The following NLGN1 variants were observed in gnomAD, a reference collection of about 807,000 sequenced individuals.
The protein encoded by NLGN1 is neuroligin 1, also known as neuroligin-1.
Under a neutral mutation model 65.5 loss-of-function variants are expected in NLGN1, and 12 were observed. That is an observed-to-expected ratio of 0.18 (90% CI 0.12 to 0.30). The LOEUF (loss-of-function observed/expected upper bound fraction) is 0.30, where lower values mean the gene tolerates loss of function less well. Ranked by LOEUF, NLGN1 falls within the 10% of genes least tolerant of loss-of-function variation. The pLI is 1.00. For missense variants in NLGN1, 750 were observed against 1,007.1 expected, an observed-to-expected ratio of 0.74 and a Z score of 3.46; for synonymous variants, 350 against 359.5, an observed-to-expected ratio of 0.97 and a Z score of 0.30.
intron 3 of NLGN1, among the ~76,000 whole-genome samples, chr3:173,784,017 G>A (rs1186025145): frequency 6.6e-6 from 1 of 152,124 alleles, no homozygotes; most frequent in African/African-American, 2.4e-5. Flanking sequence ...TTTCCCTAGA[G>A]GAATTTAACT....
intron 3 of NLGN1, among the ~76,000 whole-genome samples, chr3:173,796,783 T>A (rs1714175040): frequency 1.3e-5 from 2 of 152,154 alleles, no homozygotes; most frequent in South Asian, 4.1e-4. Context: ...AAGCATAAGC[T>A]GTGGTTAGAA....
chr3:173,702,253 A>G (rs898649328), intron 3 of NLGN1, among the ~76,000 whole-genome samples: 2 of 151,882 alleles, frequency 1.3e-5, no homozygotes, highest in Admixed American at 6.6e-5. Context: ...AAAAAAAAAA[A>G]AAGAAGAGTT....
chr3:173,483,063 G>A (rs1203105602), intron 2 of NLGN1, among the ~76,000 whole-genome samples: 1 of 151,936 alleles, frequency 6.6e-6, no homozygotes, highest in African/African-American at 2.4e-5. Flanking sequence ...CCAACCTCCA[G>A]TAGTTGATTC....
intron 2 of NLGN1, among the ~76,000 whole-genome samples, chr3:173,568,562 C>G (rs999407566): frequency 6.6e-6 from 1 of 152,142 alleles, no homozygotes. Flanking sequence ...CTTATTCCTC[C>G]TAATTGAAAT....
intron 4 of NLGN1, among the ~76,000 whole-genome samples, chr3:173,853,061 C>T (rs879319288): frequency 6.6e-6 from 1 of 152,132 alleles, no homozygotes; most frequent in Non-Finnish European, 1.5e-5. Context: ...CATTTATACC[C>T]GTCTCCTTCA....
chr3:174,135,873 A>C (rs190925209), intron 4 of NLGN1, among the ~76,000 whole-genome samples: 1 of 152,296 alleles, frequency 6.6e-6, no homozygotes, highest in Admixed American at 6.5e-5. Context: ...CCCAGATCAA[A>C]TCTGGTGAAA....
chr3:173,486,561 A>G (rs927393561), intron 2 of NLGN1, among the ~76,000 whole-genome samples: 12 of 152,192 alleles, frequency 7.9e-5, no homozygotes, highest in African/African-American at 2.9e-4. Flanking sequence ...TCCACAAAGC[A>G]TAGGGCTTTG....
chr3:173,952,244 G>A (rs896182788), intron 4 of NLGN1, among the ~76,000 whole-genome samples: 16 of 152,074 alleles, frequency 1.1e-4, no homozygotes, highest in African/African-American at 3.9e-4. Flanking sequence ...CATATTTCCC[G>A]ATAAGAGCCA....
At chr3:174,130,131 T>C (rs1250197770) in intron 4 of NLGN1, among the ~76,000 whole-genome samples, 3 of 152,076 alleles carry the variant, frequency 2.0e-5, no homozygotes, top group African/African-American at 7.2e-5. Flanking sequence ...TCCCAGCCCT[T>C]TGGGAGGCCA....
At chr3:173,418,929 T>A (rs1475037214) in intron 1 of NLGN1, among the ~76,000 whole-genome samples, 1 of 151,214 alleles carries the variant, frequency 6.6e-6, no homozygotes, top group Non-Finnish European at 1.5e-5. Flanking sequence ...TGGCTTTGAA[T>A]GTGGCCCATC....
At chr3:173,875,152 C>T (rs561307871) in intron 4 of NLGN1, among the ~76,000 whole-genome samples, 1 of 152,278 alleles carries the variant, frequency 6.6e-6, no homozygotes, top group South Asian at 2.1e-4. Context: ...TCATGACATA[C>T]CATGGATAGG....
At chr3:173,797,196 T>TGA (rs1202684276) in intron 3 of NLGN1, among the ~76,000 whole-genome samples, 15 of 152,268 alleles carry the variant, frequency 9.9e-5, no homozygotes, top group African/African-American at 3.1e-4. Context: ...TTTGCAGCCC[T>TGA]GAACTCTGTA....
At chr3:173,517,752 A>ATCTATCTG (rs1553874087) in intron 2 of NLGN1, among the ~76,000 whole-genome samples, 1 of 106,022 alleles carries the variant, frequency 9.4e-6, no homozygotes, top group African/African-American at 3.8e-5. Flanking sequence ...TCGCAAATTT[A>ATCTATCTG]TCTATCTATC....
At chr3:173,971,983 G>A (rs931280921) in intron 4 of NLGN1, among the ~76,000 whole-genome samples, 1 of 151,938 alleles carries the variant, frequency 6.6e-6, no homozygotes, top group African/African-American at 2.4e-5. Context: ...AGTCACACAA[G>A]TGCAACTCAC....
At chr3:173,571,284 A>G (rs1744608439) in intron 2 of NLGN1, among the ~76,000 whole-genome samples, 1 of 152,250 alleles carries the variant, frequency 6.6e-6, no homozygotes, top group African/African-American at 2.4e-5. Flanking sequence ...TCCAAAACTG[A>G]AATAAAATCA....
At chr3:173,989,241 T>C (rs911884501) in intron 4 of NLGN1, among the ~76,000 whole-genome samples, 1 of 152,144 alleles carries the variant, frequency 6.6e-6, no homozygotes, top group African/African-American at 2.4e-5. Context: ...CAAATCTACA[T>C]GGGAAATCGC....
chr3:173,550,634 TGC>T (rs1203796264), intron 2 of NLGN1, among the ~76,000 whole-genome samples: 3 of 31,732 alleles, frequency 9.5e-5, no homozygotes, highest in Non-Finnish European at 1.7e-4. Flanking sequence ...ATTTGTAACC[TGC>T]AATGTCTTTT....
chr3:174,025,173 A>T (rs538987981), intron 4 of NLGN1, among the ~76,000 whole-genome samples: 19 of 152,312 alleles, frequency 1.2e-4, no homozygotes, highest in South Asian at 8.3e-4. Context: ...TAAATTTAGC[A>T]TTAAAAGACA....
At chr3:173,742,055 G>T (rs1774734825) in intron 3 of NLGN1, among the ~76,000 whole-genome samples, 1 of 152,054 alleles carries the variant, frequency 6.6e-6, no homozygotes, top group African/African-American at 2.4e-5. Flanking sequence ...ATTCTGTGAT[G>T]TTCTCTATTT....
Sources: gnomAD v4.1 joint callset for allele counts (sites outside exome capture counted in the v4.1 genomes callset) on GRCh38, gnomAD v4.1.1 for gene constraint, MANE v1.5 for transcripts, NCBI Gene and HGNC (gene_info 2026-07-23, HGNC 2026-07-21) for gene names.